ECT2: variants seen among roughly 807,000 people sequenced by gnomAD.
ECT2 encodes protein ECT2.
ECT2 carries 61 observed loss-of-function variants against 116.9 expected under a neutral mutation model. That is an observed-to-expected ratio of 0.52 (90% CI 0.42 to 0.65). The LOEUF (loss-of-function observed/expected upper bound fraction) is 0.65, where lower values mean the gene tolerates loss of function less well. Among genes scored for constraint, ECT2 ranks in the 30% least tolerant of loss-of-function variants. The pLI is 0.00. For synonymous variants in ECT2, 358 were observed against 346.4 expected (o/e 1.03, Z -0.37); for missense variants, 937 against 1,078.7 (o/e 0.87, Z 1.84).
At chr3:172,771,928 G>A (rs984963766) in intron 13 of ECT2, among the ~76,000 whole-genome samples, 1 of 152,106 alleles carries the variant, frequency 6.6e-6, no homozygotes, top group African/African-American at 2.4e-5. Context: ...TATCTTTTTT[G>A]TTGAAATAAC....
intron 22 of ECT2, among the ~76,000 whole-genome samples, chr3:172,808,778 A>G (rs1728213721): frequency 6.6e-6 from 1 of 152,208 alleles, no homozygotes; most frequent in Non-Finnish European, 1.5e-5. Context: ...TGAAACATGT[A>G]ATTACAGTTA....
intron 18 of ECT2, among the ~76,000 whole-genome samples, chr3:172,789,302 C>T (rs1309271720): frequency 6.6e-6 from 1 of 150,852 alleles, no homozygotes; most frequent in Non-Finnish European, 1.5e-5. Flanking sequence ...TCACTGAAGC[C>T]TCCACCTCCT....
intron 17 of ECT2, among the ~76,000 whole-genome samples, chr3:172,786,056 G>A (rs566836071): frequency 5.4e-4 from 82 of 152,282 alleles, no homozygotes; most frequent in Non-Finnish European, 4.4e-4. Context: ...AAGAGTCAAC[G>A]TGTTAAGTAT....
intron 13 of ECT2, among the ~76,000 whole-genome samples, chr3:172,772,389 G>A (rs1411240315): frequency 1.3e-5 from 2 of 152,104 alleles, no homozygotes; most frequent in Non-Finnish European, 2.9e-5. Context: ...GTAGAGATGG[G>A]GTTTCACCAT....
At chr3:172,818,195 A>G (rs11925904) in intron 24 of ECT2, 9,361 of 153,102 alleles carry the variant, frequency 0.061, 974 homozygotes, top group African/African-American at 0.21. Flanking sequence ...GGCTAAATCT[A>G]TTAGTGTATT....
chr3:172,794,076 G>A (rs1401877134), intron 18 of ECT2, among the ~76,000 whole-genome samples: 1 of 151,266 alleles, frequency 6.6e-6, no homozygotes. Context: ...ACAATTTCTT[G>A]AAAAAATAAG....
rs756803524 is a variant in ECT2, at chr3:172,805,845, G to A, written c.2221G>A (p.Val741Ile). 5.0e-6 allele frequency: 8 copies of A among 1,613,488 alleles called. No homozygotes were observed. Among genetic ancestry groups the A allele is most frequent in the Non-Finnish European group, 6.8e-6 (8 of 1,179,644 alleles). The part of the protein sequence containing the change: ...HLMPLSQIKK[V>I]LDIRETEDCH... Reference sequence around the variant, plus strand: ...AATGCCTCTTTCTCAGATTAAGAAGGTATTGGACATAAGAGAGACAGAAGG... The same window carrying A: ...AATGCCTCTTTCTCAGATTAAGAAGATATTGGACATAAGAGAGACAGAAGG... Residue 741 changes from valine to isoleucine, a missense_variant, in exon 21 of 25, where the codon GTA (valine) becomes ATA (isoleucine). Val to Ile is a conservative substitution (Grantham distance 29). Coordinates refer to ENST00000392692, the MANE Select transcript of ECT2 (RefSeq NM_001258315.2).
downstream of ECT2, among the ~76,000 whole-genome samples, chr3:172,822,427 T>C (rs1005174144): frequency 6.6e-6 from 1 of 151,932 alleles, no homozygotes; most frequent in African/African-American, 2.4e-5. Context: ...TCCTCAGATA[T>C]GAGAAATTAA....
chr3:172,810,052 T>A (rs1159822817), intron 22 of ECT2, among the ~76,000 whole-genome samples: 2 of 152,212 alleles, frequency 1.3e-5, no homozygotes, highest in Non-Finnish European at 2.9e-5. Flanking sequence ...ACATGTAACC[T>A]TTAATTGCAT....
chr3:172,786,511 C>T lies in ECT2; in HGVS notation c.1844C>T (p.Ala615Val), dbSNP rs751588624. Residue 615 changes from alanine to valine, a missense_variant, in exon 18 of 25, where the codon GCT becomes GTT. Physicochemically the swap from Ala to Val is moderately conservative, Grantham distance 64. Coordinates refer to ENST00000392692, the MANE Select transcript of ECT2 (RefSeq NM_001258315.2). ...ATTACAGATCTTAAGAAGCATACAG[C>T]TGATGAAAATCCAGACAAAAGCACT... ...LLLNDLKKHTADENPDKSTLE... is the reference protein window; with the variant it reads ...LLLNDLKKHTVDENPDKSTLE... 2.5e-6 allele frequency: 4 copies of T among 1,609,384 alleles called. No homozygotes were observed. The highest frequency in any genetic ancestry group is 1.3e-5 in the African/African-American group (1 of 74,788).
intron 15 of ECT2, 135 bp from the exon 16 acceptor site, chr3:172,783,664 A>C (rs888273412): frequency 3.0e-5 from 18 of 604,832 alleles, no homozygotes; most frequent in Non-Finnish European, 4.4e-5. Context: ...GTTTGTTCTC[A>C]AACATAGAAA....
the ECT2 span, chr3:172,828,871 C>T: frequency 2.1e-4 from 260 of 1,225,870 alleles, 3 homozygotes; most frequent in East Asian, 6.0e-3. Context: ...GCCTGAGAGA[C>T]GGGTTCCTGG....
the ECT2 span, among the ~76,000 whole-genome samples, chr3:172,826,702 A>G: frequency 6.6e-6 from 1 of 152,210 alleles, no homozygotes; most frequent in East Asian, 1.9e-4. Context: ...ATTTTAAGAA[A>G]TTGCCACTGC....
At chr3:172,756,456 CAT>C (rs772530161) in intron 4 of ECT2, among the ~76,000 whole-genome samples, 1 of 152,126 alleles carries the variant, frequency 6.6e-6, no homozygotes, top group Non-Finnish European at 1.5e-5. Context: ...ACATCTTTCT[CAT>C]ATATCTTACA....
intron 22 of ECT2, among the ~76,000 whole-genome samples, chr3:172,810,446 C>T (rs2109206906): frequency 6.6e-6 from 1 of 152,220 alleles, no homozygotes; most frequent in South Asian, 2.1e-4. Flanking sequence ...AAAGTTTGTG[C>T]TTGTATGCCA....
chr3:172,805,704 T>C (rs2109085312), intron 20 of ECT2, 27 bp from the exon 21 acceptor site: 1 of 1,607,872 alleles, frequency 6.2e-7, no homozygotes, highest in Non-Finnish European at 8.5e-7. Context: ...TTTTATTGAC[T>C]GATACTTTTT....
intron 5 of ECT2, among the ~76,000 whole-genome samples, chr3:172,757,729 A>G (rs904633566): frequency 6.6e-6 from 1 of 152,000 alleles, no homozygotes; most frequent in Non-Finnish European, 1.5e-5. Context: ...CACTATCAAT[A>G]CCACAATGTC....
At chr3:172,758,490 C>CAG (rs1241061635) in intron 5 of ECT2, among the ~76,000 whole-genome samples, 31 of 147,586 alleles carry the variant, frequency 2.1e-4, no homozygotes, top group Middle Eastern at 3.5e-3. Flanking sequence ...CACACAGACA[C>CAG]ACACACACAC....
At chr3:172,812,228 T>C (rs191414020) in intron 22 of ECT2, among the ~76,000 whole-genome samples, 1 of 152,302 alleles carries the variant, frequency 6.6e-6, no homozygotes, top group East Asian at 1.9e-4. Context: ...CTTCAAGTGA[T>C]CTGCCCCCCT....
Sources: gnomAD v4.1 joint callset for allele counts (sites outside exome capture counted in the v4.1 genomes callset) on GRCh38, gnomAD v4.1.1 for gene constraint, MANE v1.5 for transcripts, NCBI Gene and HGNC (gene_info 2026-07-23, HGNC 2026-07-21) for gene names.